CDH18: variants seen among roughly 807,000 people sequenced by gnomAD.
CDH18 encodes the protein cadherin 18, also known as cadherin-18.
In CDH18, 31 loss-of-function variants were observed where a neutral mutation model predicts 67.9. The observed-to-expected ratio is 0.46, with a 90% CI of 0.34 to 0.62. The LOEUF is 0.62. Among genes scored for constraint, CDH18 ranks in the 20% least tolerant of loss-of-function variants. The pLI, the probability that CDH18 is intolerant of heterozygous loss-of-function variation, is 0.01. For missense variants in CDH18, 890 were observed against 975.5 expected, an observed-to-expected ratio of 0.91 and a Z score of 1.17; for synonymous variants, 362 against 347.2, an observed-to-expected ratio of 1.04 and a Z score of -0.48.
At chr5:20,413,140 C>T (rs776501918) in intron 1 of CDH18, among the ~76,000 whole-genome samples, 4 of 152,204 alleles carry the variant, frequency 2.6e-5, no homozygotes, top group Non-Finnish European at 1.5e-5. Context: ...AGGACATGAA[C>T]TCATCCTTTT....
At chr5:20,385,217 C>A (rs941089586) in intron 1 of CDH18, among the ~76,000 whole-genome samples, 1 of 152,102 alleles carries the variant, frequency 6.6e-6, no homozygotes, top group Non-Finnish European at 1.5e-5. Context: ...ATCCATAAAA[C>A]ACCAAAGCAG....
chr5:19,591,766 AT>A (rs1745179819), intron 6 of CDH18, among the ~76,000 whole-genome samples: 1 of 152,124 alleles, frequency 6.6e-6, no homozygotes, highest in African/African-American at 2.4e-5. Flanking sequence ...GAGAACGTGA[AT>A]GTAGTTACAT....
chr5:20,148,737 T>C (rs1750865189), intron 2 of CDH18, among the ~76,000 whole-genome samples: 1 of 150,576 alleles, frequency 6.6e-6, no homozygotes, highest in African/African-American at 2.5e-5. Flanking sequence ...TATAACAGTA[T>C]TAGGTAAGTG....
chr5:19,784,062 T>C (rs1248829230), intron 3 of CDH18, among the ~76,000 whole-genome samples: 16 of 152,202 alleles, frequency 1.1e-4, no homozygotes, highest in Non-Finnish European at 1.5e-5. Context: ...CATTTCTTCA[T>C]TCCATAATTC....
intron 9 of CDH18, among the ~76,000 whole-genome samples, chr5:19,530,560 T>C (rs1192529791): frequency 6.6e-6 from 1 of 152,130 alleles, no homozygotes; most frequent in African/African-American, 2.4e-5. Context: ...ATTAGGTATA[T>C]CTCCCAGTGC....
chr5:20,274,157 T>C (rs1293907219), intron 1 of CDH18, among the ~76,000 whole-genome samples: 2 of 152,270 alleles, frequency 1.3e-5, no homozygotes, highest in African/African-American at 4.8e-5. Flanking sequence ...ATGTTCCCTA[T>C]TGTCTTTAGA....
intron 2 of CDH18, among the ~76,000 whole-genome samples, chr5:20,074,009 T>C (rs1203898007): frequency 6.6e-6 from 1 of 152,086 alleles, no homozygotes; most frequent in East Asian, 1.9e-4. Flanking sequence ...TGGGCTGAAT[T>C]TTTCTTTACG....
At chr5:20,483,687 A>C (rs1198214428) in intron 1 of CDH18, among the ~76,000 whole-genome samples, 1 of 151,800 alleles carries the variant, frequency 6.6e-6, no homozygotes, top group South Asian at 2.1e-4. Flanking sequence ...AAAAGGACAC[A>C]CACATCAATA....
intron 1 of CDH18, among the ~76,000 whole-genome samples, chr5:20,418,137 G>A (rs1201063988): frequency 1.3e-5 from 2 of 151,740 alleles, no homozygotes; most frequent in Admixed American, 6.6e-5. Context: ...GTGCAGTGGC[G>A]CAATCTTGGC....
intron 1 of CDH18, among the ~76,000 whole-genome samples, chr5:20,452,853 T>C (rs1375980572): frequency 6.6e-6 from 1 of 152,142 alleles, no homozygotes; most frequent in Non-Finnish European, 1.5e-5. Context: ...ATAGACAATG[T>C]ATATGTAAAA....
At chr5:19,790,488 G>T (rs570775719) in intron 3 of CDH18, among the ~76,000 whole-genome samples, 2 of 152,092 alleles carry the variant, frequency 1.3e-5, no homozygotes, top group African/African-American at 4.8e-5. Context: ...GAATCCAGCT[G>T]CTGACACATA....
At chr5:19,578,047 G>A (rs1454693820) in intron 7 of CDH18, among the ~76,000 whole-genome samples, 5 of 152,138 alleles carry the variant, frequency 3.3e-5, no homozygotes, top group African/African-American at 1.2e-4. Context: ...GGAATGGACA[G>A]GTCCTTAGAG....
At chr5:20,028,210 AAAT>A (rs1303661141) in intron 2 of CDH18, among the ~76,000 whole-genome samples, 1 of 152,138 alleles carries the variant, frequency 6.6e-6, no homozygotes, top group East Asian at 1.9e-4. Flanking sequence ...ATTACAAATA[AAAT>A]AATAAGATAT....
chr5:20,282,205 T>C (rs1746335054), intron 1 of CDH18, among the ~76,000 whole-genome samples: 1 of 152,188 alleles, frequency 6.6e-6, no homozygotes, highest in Admixed American at 6.5e-5. Flanking sequence ...TACCCTTTAT[T>C]TCTTTCTCCT....
chr5:20,094,194 T>C (rs971348988), intron 2 of CDH18, among the ~76,000 whole-genome samples: 25 of 152,150 alleles, frequency 1.6e-4, no homozygotes, highest in African/African-American at 6.0e-4. Flanking sequence ...TCAGATTGAA[T>C]TAAAGTGATG....
At chr5:20,362,465 C>CT (rs1351798630) in intron 1 of CDH18, among the ~76,000 whole-genome samples, 8 of 152,098 alleles carry the variant, frequency 5.3e-5, no homozygotes, top group South Asian at 2.1e-4. Flanking sequence ...AATTTAGTCA[C>CT]TTTTTTTTCT....
At chr5:20,168,615 A>G (rs187365565) in intron 2 of CDH18, among the ~76,000 whole-genome samples, 15 of 152,254 alleles carry the variant, frequency 9.9e-5, no homozygotes, top group African/African-American at 2.4e-5. Context: ...ACTATATAAA[A>G]ATAGAATGAC....
At chr5:19,935,313 G>A (rs1794116658) in intron 2 of CDH18, among the ~76,000 whole-genome samples, 1 of 151,266 alleles carries the variant, frequency 6.6e-6, no homozygotes, top group Non-Finnish European at 1.5e-5. Flanking sequence ...ACATTCTTAA[G>A]TAAGCTAGGC....
At chr5:20,365,583 G>A (rs1043514424) in intron 1 of CDH18, among the ~76,000 whole-genome samples, 1 of 151,980 alleles carries the variant, frequency 6.6e-6, no homozygotes, top group African/African-American at 2.4e-5. Flanking sequence ...TATGTTTATT[G>A]TCATGTTTCC....
Sources: allele counts gnomAD v4.1 joint callset (sites outside exome capture counted in the v4.1 genomes callset), GRCh38; gene constraint gnomAD v4.1.1; transcripts MANE v1.5; gene names NCBI Gene and HGNC (gene_info 2026-07-23, HGNC 2026-07-21).